GSR: variants seen among roughly 807,000 people sequenced by gnomAD.
GSR encodes glutathione-disulfide reductase.
A neutral mutation model predicts 56.5 loss-of-function variants in GSR; 48 were observed. That is an observed-to-expected ratio of 0.85 (90% confidence interval 0.67 to 1.08). The LOEUF (loss-of-function observed/expected upper bound fraction) is 1.08. Among genes scored for constraint, GSR ranks in the 50% least tolerant of loss-of-function variants. GSR has a pLI of 0.00. For missense variants in GSR, 694 were observed against 703.3 expected (o/e 0.99, Z 0.15); for synonymous variants, 264 against 270.8 (o/e 0.97, Z 0.25).
At chr8:30,706,590 C>T (rs1016504853) in intron 4 of GSR, among the ~76,000 whole-genome samples, 8 of 151,916 alleles carry the variant, frequency 5.3e-5, no homozygotes, top group Admixed American at 1.3e-4. Flanking sequence ...TGAAGGGTGG[C>T]GGGAAGATAT....
intron 5 of GSR, among the ~76,000 whole-genome samples, chr8:30,701,911 C>T (rs1205266766): frequency 6.6e-6 from 1 of 151,258 alleles, no homozygotes; most frequent in African/African-American, 2.4e-5. Flanking sequence ...TCCTTATAAT[C>T]TAGCTGGGAA....
Position 30,679,149 on chromosome 8 carries a change from CAAAAAAA to C in GSR, c.*364_*370del. 1 of 107,092 alleles carries C rather than the reference CAAAAAAA, an allele frequency of 9.3e-6. No homozygotes were observed. The highest frequency in any genetic ancestry group is 1.8e-5 in the Non-Finnish European group (1 of 56,712). The allele number at this position is 107,092 out of a possible 1,614,324, so 6.6% of individuals were successfully genotyped here. A position where few individuals can be genotyped will look rare whatever the true frequency, so the allele number is the denominator to read the frequency against. On this transcript the variant is annotated 3_prime_UTR_variant, in exon 13 of 13. Transcript: ENST00000221130. ...GGGCAATGAGAGCAAAACTCTGTCT[CAAAAAAA>C]AAAAAAAAAAAAGTAGCAAGTTCTA...
intron 1 of GSR, among the ~76,000 whole-genome samples, chr8:30,726,205 A>G (rs554912152): frequency 3.3e-5 from 5 of 152,328 alleles, no homozygotes; most frequent in African/African-American, 1.2e-4. Flanking sequence ...CAACCTTTTC[A>G]TAACTGTCCA....
rs557900837 is a variant in GSR, at chr8:30,723,203, G to T, written c.306+4327C>A. Among the ~76,000 whole-genome samples the T allele has an allele frequency of 2.6e-5, 4 of 152,290 alleles. No homozygotes were observed. In the South Asian group the frequency reaches 8.3e-4, roughly 32 times the overall value. On this transcript the variant is annotated intron_variant, in intron 1 of 12. Transcript: ENST00000221130. ...CTCTCCCATCACGTGTGTAGGCAGA[G>T]AAGCGAACCACAGAGGCAAAGCTCC... is the stretch of plus-strand genomic sequence containing the variant.
In GSR at chr8:30,689,199, G is replaced by A. The variant is rs767042164; in HGVS notation, c.1003C>T (p.Arg335Trp). The A allele has an allele frequency of 1.5e-5, 24 of 1,613,804 alleles. No homozygotes were observed. The highest frequency in any genetic ancestry group is 5.0e-5 in the Admixed American group (3 of 59,984). The change falls in exon 9 of 13, where the codon CGG (arginine) becomes TGG (tryptophan). Residue 335 changes from arginine to tryptophan, a missense_variant. Transcript: ENST00000221130. The stretch of plus-strand genomic sequence containing the variant: ...CTCAGGTCCTTGGTATTCGGGACCC[G>A]CCCAATGGCCCAGAGCAGGCAGTCA... ...DVDCLLWAIG[R>W]VPNTKDLSLN... is the part of the protein sequence containing the mutation.
In GSR at chr8:30,723,092, C is replaced by T. The variant is rs146287719; in HGVS notation, c.306+4438G>A. On this transcript the variant is annotated intron_variant, in intron 1 of 12. Transcript: ENST00000221130. ...GGTTATTCTTATCACAGAATCAGTA[C>T]ACTCAGCAGGAACCCAGGACCGCAA... 8.9e-4 allele frequency among the ~76,000 whole-genome samples: 136 copies of T among 152,282 alleles called. No individual in the cohort carries two copies. The East Asian group carries it at 0.021, about 24-fold the overall frequency.
intron 1 of GSR, among the ~76,000 whole-genome samples, chr8:30,716,956 G>T (rs1308429792): frequency 6.6e-6 from 1 of 151,844 alleles, no homozygotes. Context: ...TAGAGACGGA[G>T]GCTGGGCATG....
At chr8:30,724,201 A>C (rs1342864838) in intron 1 of GSR, among the ~76,000 whole-genome samples, 1 of 152,150 alleles carries the variant, frequency 6.6e-6, no homozygotes, top group Non-Finnish European at 1.5e-5. Context: ...GTGAGACCCT[A>C]TCTCTATAAA....
At chr8:30,718,223 G>T (rs971628144) in intron 1 of GSR, among the ~76,000 whole-genome samples, 6 of 152,106 alleles carry the variant, frequency 3.9e-5, no homozygotes, top group Admixed American at 3.3e-4. Flanking sequence ...CACAAAACTG[G>T]TTCCTGGTGC....
chr8:30,712,160 G>T lies in GSR; in HGVS notation c.307-72C>A. 9 of 782,324 alleles carry T rather than the reference G, an allele frequency of 1.2e-5. No individual in the cohort carries two copies. In the Admixed American group the frequency reaches 1.4e-4, roughly 12 times the overall value. 48.5% of individuals were successfully genotyped at this position (782,324 alleles called of 1,614,324 possible). ...CCATCAAACGAAATCTGCAAGAAAT[G>T]CACGCTAAGCATCAAGCGAGGAGTC... On this transcript the variant is annotated intron_variant, in intron 1 of 12. Coordinates refer to ENST00000221130, the MANE Select transcript of GSR (RefSeq NM_000637.5).
At chr8:30,694,621 T>C (rs974760800) in intron 7 of GSR, among the ~76,000 whole-genome samples, 22 of 151,850 alleles carry the variant, frequency 1.4e-4, no homozygotes, top group Non-Finnish European at 3.1e-4. Flanking sequence ...TAGTAAGACC[T>C]CATCTCTAAA....
chr8:30,723,589 G>T (rs1390559528), intron 1 of GSR, among the ~76,000 whole-genome samples: 1 of 152,050 alleles, frequency 6.6e-6, no homozygotes. Flanking sequence ...TCAGGAGTTC[G>T]GGATCAGCCT....
chr8:30,699,269 C>A (rs771241302), intron 6 of GSR, among the ~76,000 whole-genome samples: 3 of 151,396 alleles, frequency 2.0e-5, no homozygotes, highest in South Asian at 2.1e-4. Flanking sequence ...CCTGCCTGGG[C>A]GATGGAAGAA....
At chr8:30,692,901 G>T (rs1213199453) in intron 8 of GSR, 68 bp downstream of exon 8, 3 of 941,250 alleles carry the variant, frequency 3.2e-6, no homozygotes, top group African/African-American at 3.2e-5. Flanking sequence ...TAAACTAACT[G>T]GGCGAAGCCA....
At chr8:30,683,086 A>G (rs1368379705) in intron 10 of GSR, among the ~76,000 whole-genome samples, 1 of 152,142 alleles carries the variant, frequency 6.6e-6, no homozygotes, top group Non-Finnish European at 1.5e-5. Flanking sequence ...TCGGCCTCAC[A>G]AAGTGCTGAG....
At chr8:30,715,065 C>T (rs891914979) in intron 1 of GSR, among the ~76,000 whole-genome samples, 1 of 152,014 alleles carries the variant, frequency 6.6e-6, no homozygotes, top group Non-Finnish European at 1.5e-5. Context: ...ATTGCTTGAG[C>T]CCAGGAGTTA....
At chr8:30,712,478 C>T (rs1274140169) in intron 1 of GSR, among the ~76,000 whole-genome samples, 2 of 152,064 alleles carry the variant, frequency 1.3e-5, no homozygotes, top group Admixed American at 6.6e-5. Flanking sequence ...CCCATGAATT[C>T]GAGACCAGCC....
chr8:30,719,352 A>G (rs1047025299), intron 1 of GSR, among the ~76,000 whole-genome samples: 3 of 151,542 alleles, frequency 2.0e-5, no homozygotes, highest in African/African-American at 7.3e-5. Context: ...TACTGACCTC[A>G]TGATCCGCCC....
chr8:30,689,843 TATTATATATAAATATA>T (rs1320625288), intron 8 of GSR, among the ~76,000 whole-genome samples: 4 of 143,192 alleles, frequency 2.8e-5, no homozygotes, highest in Non-Finnish European at 6.1e-5. Context: ...AACATATGCA[TATTATATATAAATATA>T]TTTATATATA....
Sources: allele counts gnomAD v4.1 joint callset (sites outside exome capture counted in the v4.1 genomes callset), GRCh38; gene constraint gnomAD v4.1.1; transcripts MANE v1.5; gene names NCBI Gene and HGNC (gene_info 2026-07-23, HGNC 2026-07-21).